The following RBMS3 variants were observed in gnomAD, a reference collection of about 807,000 sequenced individuals.
RBMS3 encodes RNA-binding motif, single-stranded-interacting protein 3.
Under a neutral mutation model 66.8 loss-of-function variants are expected in RBMS3, and 27 were observed. The ratio of observed to expected loss-of-function variants is 0.40; its 90% confidence interval spans 0.30 to 0.56. The LOEUF (loss-of-function observed/expected upper bound fraction) is 0.56, where lower values mean the gene tolerates loss of function less well. RBMS3 is among the 20% of genes least tolerant of loss of function. RBMS3 has a pLI of 0.40. For missense variants in RBMS3, 513 were observed against 549.5 expected, an observed-to-expected ratio of 0.93 and a Z score of 0.66; for synonymous variants, 188 against 183.0, an observed-to-expected ratio of 1.03 and a Z score of -0.22.
At chr3:29,594,826 G>A (rs954223832) in intron 4 of RBMS3, among the ~76,000 whole-genome samples, 2 of 152,148 alleles carry the variant, frequency 1.3e-5, no homozygotes, top group Admixed American at 1.3e-4. Flanking sequence ...AGTTTTTGAA[G>A]CAGACTCATC....
chr3:29,807,057 T>G (rs960240316), intron 6 of RBMS3, among the ~76,000 whole-genome samples: 35 of 152,014 alleles, frequency 2.3e-4, no homozygotes, highest in African/African-American at 7.5e-4. Context: ...AAATATATGC[T>G]TCAATTTACA....
chr3:29,804,512 T>G (rs1006365070), intron 6 of RBMS3, among the ~76,000 whole-genome samples: 4 of 152,102 alleles, frequency 2.6e-5, no homozygotes, highest in Non-Finnish European at 5.9e-5. Flanking sequence ...CTAAAAATTA[T>G]ATACACTATG....
chr3:29,516,213 T>A (rs1336103558), intron 3 of RBMS3, among the ~76,000 whole-genome samples: 2 of 152,190 alleles, frequency 1.3e-5, no homozygotes, highest in Admixed American at 1.3e-4. Flanking sequence ...GAGAATCAAG[T>A]AAGATCAGTT....
intron 4 of RBMS3, among the ~76,000 whole-genome samples, chr3:29,626,142 G>A (rs997568552): frequency 6.6e-6 from 1 of 152,166 alleles, no homozygotes; most frequent in African/African-American, 2.4e-5. Context: ...TGGAAACAAT[G>A]CATCATGTAG....
intron 3 of RBMS3, among the ~76,000 whole-genome samples, chr3:29,506,586 G>A (rs2044188789): frequency 1.3e-5 from 2 of 151,856 alleles, no homozygotes; most frequent in South Asian, 4.2e-4. Flanking sequence ...GAAAATGCTG[G>A]CCCTATAAAA....
intron 1 of RBMS3, among the ~76,000 whole-genome samples, chr3:29,407,101 C>T (rs965849387): frequency 2.0e-5 from 3 of 152,176 alleles, no homozygotes; most frequent in African/African-American, 7.2e-5. Context: ...AATCAATGTA[C>T]ATTCCAATGC....
intron 6 of RBMS3, among the ~76,000 whole-genome samples, chr3:29,815,919 A>G (rs1316038805): frequency 4.0e-5 from 6 of 151,768 alleles, no homozygotes; most frequent in African/African-American, 1.5e-4. Flanking sequence ...AAGCACCTGT[A>G]CTCCAAAAAC....
chr3:29,356,403 T>C (rs7636555), intron 1 of RBMS3, among the ~76,000 whole-genome samples: 33,856 of 152,120 alleles, frequency 0.22, 4,734 homozygotes, highest in Non-Finnish European at 0.31. Context: ...ATTATAATAA[T>C]GAATATTTTC....
chr3:29,343,694 A>C (rs1042420259), intron 1 of RBMS3, among the ~76,000 whole-genome samples: 1 of 152,190 alleles, frequency 6.6e-6, no homozygotes, highest in African/African-American at 2.4e-5. Flanking sequence ...AAACCAGTTC[A>C]ACCTCATTGT....
At chr3:29,896,488 T>C (rs17553785) in intron 8 of RBMS3, among the ~76,000 whole-genome samples, 8,505 of 151,720 alleles carry the variant, frequency 0.056, 304 homozygotes, top group South Asian at 0.083. Context: ...ATACTCCATC[T>C]CAGGCAACCT....
intron 3 of RBMS3, among the ~76,000 whole-genome samples, chr3:29,550,021 C>A (rs1461840795): frequency 6.6e-6 from 1 of 152,172 alleles, no homozygotes; most frequent in Non-Finnish European, 1.5e-5. Flanking sequence ...TGTCAGTTCT[C>A]ATTTCCAAAC....
At chr3:29,661,884 T>C (rs78484438) in intron 4 of RBMS3, among the ~76,000 whole-genome samples, 2 of 152,114 alleles carry the variant, frequency 1.3e-5, no homozygotes, top group Non-Finnish European at 2.9e-5. Context: ...TGAAGGTGGA[T>C]GGTGAAGCTC....
At chr3:29,702,745 G>T (rs765352290) in intron 4 of RBMS3, among the ~76,000 whole-genome samples, 1 of 152,168 alleles carries the variant, frequency 6.6e-6, no homozygotes, top group South Asian at 2.1e-4. Context: ...GTGAAGGTCT[G>T]CAGTTTTACT....
chr3:29,317,728 T>G lies in RBMS3; in HGVS notation c.75+35972T>G, dbSNP rs554020973. Among the ~76,000 whole-genome samples, 7 of 151,932 alleles carry G rather than the reference T, an allele frequency of 4.6e-5. No homozygotes were observed. The East Asian group carries it at 1.4e-3, about 30-fold the overall frequency. ...CTATTGATCATAAAAGGTCAAAAAATACAGTAATGTCACATCATTTAAACT... is the reference window on the plus strand; with the variant it reads ...CTATTGATCATAAAAGGTCAAAAAAGACAGTAATGTCACATCATTTAAACT... On this transcript the variant is annotated intron_variant, in intron 1 of 14. Transcript: ENST00000383767.
intron 4 of RBMS3, among the ~76,000 whole-genome samples, chr3:29,712,129 G>T (rs187938940): frequency 5.3e-5 from 8 of 152,012 alleles, no homozygotes; most frequent in East Asian, 1.9e-4. Flanking sequence ...AGAGAAAAAG[G>T]TTTTCTCTGT....
intron 6 of RBMS3, among the ~76,000 whole-genome samples, chr3:29,810,122 A>C (rs2057688281): frequency 6.6e-6 from 1 of 152,110 alleles, no homozygotes; most frequent in Non-Finnish European, 1.5e-5. Context: ...TGTTAATAGA[A>C]GTAATTATTT....
chr3:29,362,345 G>A (rs2037648974), intron 1 of RBMS3, among the ~76,000 whole-genome samples: 1 of 152,188 alleles, frequency 6.6e-6, no homozygotes, highest in Admixed American at 6.5e-5. Flanking sequence ...TATCAGCAGT[G>A]GAAGCTGCAG....
At chr3:29,840,449 A>G (rs1391492171) in intron 6 of RBMS3, among the ~76,000 whole-genome samples, 1 of 152,054 alleles carries the variant, frequency 6.6e-6, no homozygotes, top group African/African-American at 2.4e-5. Flanking sequence ...GTTTGACATA[A>G]TAAAACACGG....
At chr3:29,345,143 A>G (rs1482024497) in intron 1 of RBMS3, among the ~76,000 whole-genome samples, 1 of 152,232 alleles carries the variant, frequency 6.6e-6, no homozygotes, top group Non-Finnish European at 1.5e-5. Flanking sequence ...GAAGTGAGCT[A>G]TTGACTGGGG....
Sources: gnomAD v4.1 joint callset for allele counts (sites outside exome capture counted in the v4.1 genomes callset) on GRCh38, gnomAD v4.1.1 for gene constraint, MANE v1.5 for transcripts, NCBI Gene and HGNC (gene_info 2026-07-23, HGNC 2026-07-21) for gene names.